JAKMIP3: variants seen among roughly 807,000 people sequenced by gnomAD.
JAKMIP3 encodes the protein janus kinase and microtubule-interacting protein 3.
JAKMIP3 carries 58 observed loss-of-function variants against 118.5 expected under a neutral mutation model. That is an observed-to-expected ratio of 0.49 (90% CI 0.40 to 0.61). The LOEUF (loss-of-function observed/expected upper bound fraction) is 0.61. Among genes scored for constraint, JAKMIP3 ranks in the 20% least tolerant of loss-of-function variants. The pLI, the probability that JAKMIP3 is intolerant of heterozygous loss-of-function variation, is 0.00. For synonymous variants in JAKMIP3, 486 were observed against 451.2 expected (o/e 1.08, Z -0.98); for missense variants, 950 against 1,109.0 (o/e 0.86, Z 2.04).
chr10:132,125,786 G>A (rs546917769), intron 3 of JAKMIP3, among the ~76,000 whole-genome samples: 2 of 151,978 alleles, frequency 1.3e-5, no homozygotes, highest in Non-Finnish European at 2.9e-5. Context: ...ATTATTTTTC[G>A]CTGCTATACA....
At chr10:132,173,538 G>A (rs73399719) in intron 23 of JAKMIP3, among the ~76,000 whole-genome samples, 3,369 of 152,162 alleles carry the variant, frequency 0.022, 110 homozygotes, top group African/African-American at 0.076. Context: ...CTCAGGTGGG[G>A]TCTCTTCTTA....
intron 1 of JAKMIP3, among the ~76,000 whole-genome samples, chr10:132,058,873 G>A (rs1018970241): frequency 7.2e-5 from 11 of 152,232 alleles, no homozygotes; most frequent in African/African-American, 2.4e-5. Context: ...AGTTGGCACC[G>A]TCTGTGCTTC....
upstream of JAKMIP3, among the ~76,000 whole-genome samples, chr10:132,059,951 C>T (rs2038347305): frequency 1.3e-5 from 2 of 152,216 alleles, no homozygotes; most frequent in Non-Finnish European, 1.5e-5. Context: ...CCTGGAGCCA[C>T]AGCCACAGCT....
At chr10:132,122,976 C>A (rs1435740563) in intron 3 of JAKMIP3, among the ~76,000 whole-genome samples, 1 of 152,214 alleles carries the variant, frequency 6.6e-6, no homozygotes, top group Non-Finnish European at 1.5e-5. Context: ...TTCCACTGTG[C>A]AGACCCCTTG....
chr10:132,171,572 A>G (rs1432820428), intron 23 of JAKMIP3, among the ~76,000 whole-genome samples: 1 of 152,002 alleles, frequency 6.6e-6, no homozygotes, highest in African/African-American at 2.4e-5. Flanking sequence ...TTTTAGACTT[A>G]AAGTTGCACA....
At chr10:132,106,868 T>C (rs1380482839) in intron 2 of JAKMIP3, among the ~76,000 whole-genome samples, 7 of 152,176 alleles carry the variant, frequency 4.6e-5, no homozygotes, top group African/African-American at 2.4e-5. Context: ...CTTTGTTTTA[T>C]TGAGTAAAAA....
In JAKMIP3 at chr10:132,112,937, A is replaced by G. The variant is rs1011265724; in HGVS notation, c.136-4140A>G. Among the ~76,000 whole-genome samples, 1 of 152,158 alleles carries G rather than the reference A, an allele frequency of 6.6e-6. No individual in the cohort carries two copies. Among genetic ancestry groups the G allele is most frequent in the African/African-American group, 2.4e-5 (1 of 41,416 alleles). On this transcript the variant is annotated intron_variant, in intron 2 of 23. Transcript: ENST00000684848. This position sits in a 1 kb window ranked among gnomAD's most constrained non-coding sequence, Gnocchi z 4.3. The stretch of plus-strand genomic sequence containing the variant: ...TCTTTCCTACTCCTTAGAAAAAAAT[A>G]GACAGTTCTCATCAGAGAGCATGCA...
At chr10:132,137,738 C>A (rs2052121196) in intron 8 of JAKMIP3, among the ~76,000 whole-genome samples, 1 of 152,218 alleles carries the variant, frequency 6.6e-6, no homozygotes, top group East Asian at 1.9e-4. Context: ...GCGCCAGTCC[C>A]CACACAGATG....
At chr10:132,169,629 C>A (rs984898853) in intron 23 of JAKMIP3, among the ~76,000 whole-genome samples, 2 of 152,170 alleles carry the variant, frequency 1.3e-5, no homozygotes, top group Non-Finnish European at 2.9e-5. Context: ...GAGGCAGTGG[C>A]AGCCCCATGG....
At chr10:132,137,173 C>T (rs371845258) in intron 7 of JAKMIP3, 23 bp downstream of exon 7, 62 of 1,613,602 alleles carry the variant, frequency 3.8e-5, no homozygotes, top group South Asian at 5.5e-5. Context: ...CTGTTTGCTG[C>T]GGCCCCGTCC....
intron 9 of JAKMIP3, among the ~76,000 whole-genome samples, chr10:132,139,066 GTGTATGTGTA>G (rs1247665335): frequency 6.6e-6 from 1 of 151,046 alleles, no homozygotes; most frequent in African/African-American, 2.4e-5. Context: ...GTGTGTGTGT[GTGTATGTGTA>G]TGTGTGTGTG....
At chr10:132,151,253 T>C (rs996622938) in intron 16 of JAKMIP3, among the ~76,000 whole-genome samples, 4 of 152,174 alleles carry the variant, frequency 2.6e-5, no homozygotes, top group African/African-American at 9.6e-5. Flanking sequence ...TATCCATCTT[T>C]CCATCCTTCA....
intron 13 of JAKMIP3, among the ~76,000 whole-genome samples, chr10:132,146,820 T>A (rs1012420202): frequency 6.6e-6 from 1 of 152,138 alleles, no homozygotes; most frequent in African/African-American, 2.4e-5. Flanking sequence ...ACGGAACATC[T>A]CTTAAATTAG....
At chr10:132,172,532 G>A (rs2059596128) in intron 23 of JAKMIP3, among the ~76,000 whole-genome samples, 1 of 151,948 alleles carries the variant, frequency 6.6e-6, no homozygotes, top group Admixed American at 6.6e-5. Flanking sequence ...TATTTCATTG[G>A]TTAGAATTTT....
chr10:132,120,360 G>A (rs924425002), intron 3 of JAKMIP3, among the ~76,000 whole-genome samples: 11 of 152,206 alleles, frequency 7.2e-5, no homozygotes, highest in Middle Eastern at 3.4e-3. Context: ...GGTGTGACTC[G>A]CCCCTTCCCC....
rs1324520055 is a variant in JAKMIP3, at chr10:132,180,782, T to TGCGCGC, written c.*1104-1570_*1104-1569insCGCGCG. Among the ~76,000 whole-genome samples the TGCGCGC allele has an allele frequency of 2.1e-3, 130 of 60,626 alleles. 32 individuals are homozygous for TGCGCGC. Among genetic ancestry groups the TGCGCGC allele is most frequent in the African/African-American group, 0.01 (128 of 12,402 alleles). 39.8% of individuals were successfully genotyped at this position (60,626 alleles called of 152,430 possible). ...GTGCGTGTGTGTGCGTGTGTGTGTG[T>TGCGCGC]GCGCGTATGCATGTGCTGTGAGTGG... On this transcript the variant is annotated intron_variant, in intron 23 of 23. Coordinates refer to ENST00000684848, the MANE Select transcript of JAKMIP3 (RefSeq NM_001323087.2).
chr10:132,098,160 C>T (rs142255201), intron 1 of JAKMIP3, among the ~76,000 whole-genome samples: 1 of 151,764 alleles, frequency 6.6e-6, no homozygotes, highest in Non-Finnish European at 1.5e-5. Flanking sequence ...CTCAGCCTCC[C>T]AGGGAGCTGG....
At chr10:132,088,164 A>ACATATGTGTG (rs561779427) in intron 1 of JAKMIP3, among the ~76,000 whole-genome samples, 1 of 152,006 alleles carries the variant, frequency 6.6e-6, no homozygotes, top group Non-Finnish European at 1.5e-5. Flanking sequence ...GCCGCAGTAA[A>ACATATGTGTG]CATATGTGTG....
At position 132,149,575 on chromosome 10, in the gene JAKMIP3, C is replaced by CCTGCCCCCGCCCCACCCCCTCTCT. The variant is rs1589954270; in HGVS notation, c.1947+65_1947+66insCTGCCCCCGCCCCACCCCCTCTCT. ...CCCATCCCCCGCCCCACCCCCTCTC[C>CCTGCCCCCGCCCCACCCCCTCTCT]GCCCCCGCCCCACCCCCCTCCGCCC... On this transcript the variant is annotated intron_variant, in intron 15 of 23. Transcript: ENST00000684848. 41 of 371,190 alleles carry CCTGCCCCCGCCCCACCCCCTCTCT rather than the reference C, an allele frequency of 1.1e-4. No individual in the cohort carries two copies. The East Asian group carries it at 1.4e-3, about 13-fold the overall frequency. 23.0% of individuals were successfully genotyped at this position (371,190 alleles called of 1,614,324 possible).
Sources: gnomAD v4.1 joint callset for allele counts (sites outside exome capture counted in the v4.1 genomes callset) on GRCh38, gnomAD v4.1.1 for gene constraint, Gnocchi (gnomAD v3.1) non-coding constraint, MANE v1.5 for transcripts, NCBI Gene and HGNC (gene_info 2026-07-23, HGNC 2026-07-21) for gene names.